The following WBP11 variants were observed in gnomAD, a reference collection of about 807,000 sequenced individuals.
The protein encoded by WBP11 is WW domain-binding protein 11.
A neutral mutation model predicts 66.7 loss-of-function variants in WBP11; 12 were observed. The ratio of observed to expected loss-of-function variants is 0.18; its 90% CI spans 0.12 to 0.29. The LOEUF (loss-of-function observed/expected upper bound fraction) is 0.29, where lower values mean the gene tolerates loss of function less well. WBP11 is among the 10% of genes least tolerant of loss of function. The pLI, the probability that WBP11 is intolerant of heterozygous loss-of-function variation, is 1.00. For missense variants in WBP11, 555 were observed against 818.3 expected (o/e 0.68, Z 3.93); for synonymous variants, 255 against 273.8 (o/e 0.93, Z 0.68).
intron 7 of WBP11, 150 bp from the exon 8 acceptor site, chr12:14,794,072 GC>G: frequency 1.6e-6 from 1 of 624,148 alleles, no homozygotes; most frequent in Non-Finnish European, 2.4e-6. Context: ...TGTATATATA[GC>G]TACTCATACA....
intron 4 of WBP11, among the ~76,000 whole-genome samples, chr12:14,798,436 C>G (rs1284353004): frequency 1.3e-5 from 2 of 152,120 alleles, no homozygotes; most frequent in African/African-American, 2.4e-5. Flanking sequence ...CTCAGTTATT[C>G]CTATTATCTC....
intron 1 of WBP11, chr12:14,801,907 T>C (rs1159676425): frequency 6.4e-6 from 1 of 155,138 alleles, no homozygotes; most frequent in African/African-American, 2.4e-5. Flanking sequence ...ATGGTTTTTC[T>C]TGGCATGTAT....
At chr12:14,792,135 A>C (rs1291812096) in intron 8 of WBP11, among the ~76,000 whole-genome samples, 13 of 152,274 alleles carry the variant, frequency 8.5e-5, no homozygotes, top group Non-Finnish European at 1.5e-4. Context: ...AACTATCAAA[A>C]TTAAAATTTA....
chr12:14,801,562 C>T, intron 1 of WBP11, 134 bp from the exon 2 acceptor site: 3 of 564,066 alleles, frequency 5.3e-6, no homozygotes, highest in South Asian at 2.2e-5. Context: ...TTAGTTTTGA[C>T]TTTAATGTCC....
chr12:14,803,133 G>GT (rs1329980864), intron 1 of WBP11, among the ~76,000 whole-genome samples: 2 of 152,160 alleles, frequency 1.3e-5, no homozygotes, highest in East Asian at 1.9e-4. Flanking sequence ...ATCAACGTGC[G>GT]TAAGAAGCGG....
intron 10 of WBP11, among the ~76,000 whole-genome samples, chr12:14,790,177 C>T (rs1949804471): frequency 6.6e-6 from 1 of 152,194 alleles, no homozygotes; most frequent in South Asian, 2.1e-4. Flanking sequence ...CTAAAGAAAA[C>T]CTCCATTACA....
chr12:14,787,421 G>A lies in WBP11; in HGVS notation c.1570C>T (p.Pro524Ser), dbSNP rs1477479705. Reference protein sequence around the residue: ...PLGPAPPGLFPPAPLPNPGVL... With the variant: ...PLGPAPPGLFSPAPLPNPGVL... The stretch of plus-strand genomic sequence containing the variant: ...CCAGGGTTTGGCAAGGGAGCTGGTG[G>A]GAACAGCCCAGGGGGGGCAGGTCCA... Residue 524 changes from proline to serine, a missense_variant, in exon 12 of 12, where the codon CCA becomes TCA. Transcript: ENST00000261167. The A allele has an allele frequency of 6.4e-6, 10 of 1,567,556 alleles. No individual in the cohort carries two copies. The highest frequency in any genetic ancestry group is 1.2e-5 in the South Asian group (1 of 82,632).
chr12:14,792,982 C>T (rs986581577), intron 8 of WBP11, among the ~76,000 whole-genome samples: 5 of 152,222 alleles, frequency 3.3e-5, no homozygotes, highest in South Asian at 2.1e-4. Flanking sequence ...TAATAGTCCT[C>T]TATAATTATC....
rs1949951255 is a variant in WBP11, at chr12:14,800,646, C to CT, written c.96+105dup. 3.6e-6 allele frequency: 4 copies of CT among 1,115,562 alleles called. No individual in the cohort carries two copies. In the East Asian group the frequency reaches 1.0e-4, roughly 28 times the overall value. 69.1% of individuals were successfully genotyped at this position (1,115,562 alleles called of 1,614,324 possible). A position where few individuals can be genotyped will look rare whatever the true frequency, so the allele number is the denominator to read the frequency against. The stretch of plus-strand genomic sequence containing the variant: ...AGTTTTTATAAAAAGCATAAAGTAC[C>CT]TTTTCTAGAAAATATTAGAAATGTT... On this transcript the variant is annotated intron_variant, in intron 3 of 11. Coordinates refer to ENST00000261167, the MANE Select transcript of WBP11 (RefSeq NM_016312.3).
intron 7 of WBP11, 108 bp downstream of exon 7, chr12:14,794,429 G>T: frequency 8.3e-7 from 1 of 1,211,758 alleles, no homozygotes; most frequent in Non-Finnish European, 1.2e-6. Context: ...TTATGTACAT[G>T]ATACCCTCTC....
Position 14,786,938 on chromosome 12 carries a change from T to G in WBP11, c.*127A>C. On this transcript the variant is annotated 3_prime_UTR_variant, in exon 12 of 12. Transcript: ENST00000261167. Reference sequence around the variant, plus strand: ...TTCTGAACAAGGCTAAATTTTAGGATATTCCTTGAACTGAAATTAGAAAAT... The same window carrying G: ...TTCTGAACAAGGCTAAATTTTAGGAGATTCCTTGAACTGAAATTAGAAAAT... 9.6e-7 allele frequency: 1 copy of G among 1,040,788 alleles called. No individual in the cohort carries two copies. Among genetic ancestry groups the G allele is most frequent in the Non-Finnish European group, 1.4e-6 (1 of 738,242 alleles). The allele number at this position is 1,040,788 out of a possible 1,614,324, so 64.5% of individuals were successfully genotyped here. A position where few individuals can be genotyped will look rare whatever the true frequency, so the allele number is the denominator to read the frequency against.
At position 14,785,679 on chromosome 12, in the gene WBP11, T is replaced by C. The variant is rs759443884; in HGVS notation, c.*1386A>G. 2.6e-5 allele frequency: 4 copies of C among 152,218 alleles called. No individual in the cohort carries two copies. The highest frequency in any genetic ancestry group is 5.9e-5 in the Non-Finnish European group (4 of 68,028). 9.4% of individuals were successfully genotyped at this position (152,218 alleles called of 1,614,324 possible). A position where few individuals can be genotyped will look rare whatever the true frequency, so the allele number is the denominator to read the frequency against. On this transcript the variant is annotated 3_prime_UTR_variant, in exon 12 of 12. Transcript: ENST00000261167. ...CAACTCTAAGAAAATAAATGCCTTA[T>C]TGTATTATTGCACTACATTTTAGGT...
chr12:14,802,075 C>A (rs1949971179), intron 1 of WBP11: 2 of 152,102 alleles, frequency 1.3e-5, no homozygotes, highest in Admixed American at 6.5e-5. Flanking sequence ...ACTGAGAGCT[C>A]CCCAAAACTT....
In WBP11 at chr12:14,792,445, C is replaced by T. The variant is rs952565934; in HGVS notation, c.914-1175G>A. Among the ~76,000 whole-genome samples the T allele has an allele frequency of 3.3e-5, 5 of 150,770 alleles. 1 individual carries two copies. In the South Asian group the frequency reaches 6.3e-4, roughly 19 times the overall value. Reference sequence around the variant, plus strand: ...TATCCTTAGTGCCTAGAAAAAATGCCGTATATAGTAAAAACTCAATAAATA... The same window carrying T: ...TATCCTTAGTGCCTAGAAAAAATGCTGTATATAGTAAAAACTCAATAAATA... On this transcript the variant is annotated intron_variant, in intron 8 of 11. Coordinates refer to ENST00000261167, the MANE Select transcript of WBP11 (RefSeq NM_016312.3).
intron 4 of WBP11, among the ~76,000 whole-genome samples, chr12:14,798,861 G>A (rs1304295622): frequency 8.6e-5 from 13 of 152,034 alleles, no homozygotes. Context: ...AAAAGCACAT[G>A]GAAGTTAACT....
In WBP11 at chr12:14,793,750, G is replaced by A. The variant is rs1390366757; in HGVS notation, c.894C>T (p.Asn298=). 1.2e-6 allele frequency: 2 copies of A among 1,613,290 alleles called. No homozygotes were observed. Among genetic ancestry groups the A allele is most frequent in the South Asian group, 2.2e-5 (2 of 90,970 alleles). Residue 298 remains asparagine (N), a synonymous_variant, in exon 8 of 12, where the codon AAC becomes AAT. Coordinates refer to ENST00000261167, the MANE Select transcript of WBP11 (RefSeq NM_016312.3). ...ACATACCTGACTTCTTTTCTTCATT[G>A]TTGTCTCTCTCACCATTATCACGGT... ...FVHRDNGERD[N]NEEKKSGLSV... is the part of the protein sequence containing the mutation.
At chr12:14,801,000 C>A in intron 2 of WBP11, 2 of 480,734 alleles carry the variant, frequency 4.2e-6, no homozygotes, top group Non-Finnish European at 7.2e-6. Flanking sequence ...TCATAAAAAA[C>A]AACTATGAAT....
chr12:14,795,888 G>C (rs1214185988), intron 5 of WBP11, among the ~76,000 whole-genome samples: 1 of 152,126 alleles, frequency 6.6e-6, no homozygotes, highest in Non-Finnish European at 1.5e-5. Flanking sequence ...GCCTTCATCT[G>C]TAAAATGGGA....
In WBP11 at chr12:14,789,072, A is replaced by C. The variant is rs1195137839; in HGVS notation, c.1371T>G (p.Leu457=). The change falls in exon 11 of 12, where the codon CTT becomes CTG. Residue 457 remains leucine, a synonymous_variant. Transcript: ENST00000261167. The stretch of plus-strand genomic sequence containing the variant: ...GGCCTGGTGGTGGTCCTGGAGGTAA[A>C]AGTCGGGGTAAGGGCCCTCGGAGTC... The part of the protein sequence containing the change: ...MPGLRGPLPR[L]LPPGPPPGRP... 2 of 1,517,462 alleles carry C rather than the reference A, an allele frequency of 1.3e-6. No homozygotes were observed. The highest frequency in any genetic ancestry group is 1.7e-6 in the Non-Finnish European group (2 of 1,146,438). 94.0% of individuals were successfully genotyped at this position (1,517,462 alleles called of 1,614,324 possible).
Sources: gnomAD v4.1 joint callset for allele counts (sites outside exome capture counted in the v4.1 genomes callset) on GRCh38, gnomAD v4.1.1 for gene constraint, MANE v1.5 for transcripts, NCBI Gene and HGNC (gene_info 2026-07-23, HGNC 2026-07-21) for gene names.